Variants in CFAP46 observed in about 807,000 individuals in gnomAD.
CFAP46 encodes cilia- and flagella-associated protein 46.
In CFAP46, 245 loss-of-function variants were observed where a neutral mutation model predicts 325.7. That is an observed-to-expected ratio of 0.75 (90% CI 0.68 to 0.84). The LOEUF (loss-of-function observed/expected upper bound fraction) is 0.84, where lower values mean the gene tolerates loss of function less well. CFAP46 is among the 40% of genes least tolerant of loss of function. The pLI, the probability that CFAP46 is intolerant of heterozygous loss-of-function variation, is 0.00. For missense variants in CFAP46, 3,346 were observed against 3,543.0 expected (o/e 0.94, Z 1.41); for synonymous variants, 1,523 against 1,495.9 (o/e 1.02, Z -0.42).
At chr10:132,825,458 C>T (rs1012980577) in intron 50 of CFAP46, among the ~76,000 whole-genome samples, 19 of 152,290 alleles carry the variant, frequency 1.2e-4, no homozygotes, top group African/African-American at 4.6e-4. Flanking sequence ...GCGATGAACA[C>T]GTGCATGGCC....
chr10:132,919,267 G>C lies in CFAP46; in HGVS notation c.1858+48C>G, dbSNP rs368579185. ...AACCACAACCCTTCCCACACCCAGA[G>C]GGCGGCCGTGGCCAGGCTGGGACAC... On this transcript the variant is annotated intron_variant, in intron 15 of 57. Transcript: ENST00000368586. The surrounding 1 kb of genome is among the most constrained non-coding windows in gnomAD (Gnocchi z 9.7). 1.1e-5 allele frequency: 16 copies of C among 1,521,068 alleles called. No individual in the cohort carries two copies. The African/African-American group carries it at 1.9e-4, about 18-fold the overall frequency. 94.2% of individuals were successfully genotyped at this position (1,521,068 alleles called of 1,614,324 possible).
rs1848077352 is a variant in CFAP46 at position 132,827,480 on chromosome 10, C to T, written c.7117+5878G>A. ...CTTCCGTGACACCGATGCAAATTTG[C>T]TCTTTCTGTATTTCATGTAAAAAAT... is the stretch of plus-strand genomic sequence containing the variant. On this transcript the variant is annotated intron_variant, in intron 50 of 57. Coordinates refer to ENST00000368586, the MANE Select transcript of CFAP46 (RefSeq NM_001200049.3). This position sits in a 1 kb window ranked among gnomAD's most constrained non-coding sequence, Gnocchi z 5.7. Among the ~76,000 whole-genome samples, 2 of 151,940 alleles carry T rather than the reference C, an allele frequency of 1.3e-5. No individual in the cohort carries two copies. Among genetic ancestry groups the T allele is most frequent in the African/African-American group, 4.8e-5 (2 of 41,346 alleles).
At chr10:132,894,067 C>T (rs1042504614) in intron 24 of CFAP46, among the ~76,000 whole-genome samples, 3 of 149,210 alleles carry the variant, frequency 2.0e-5, no homozygotes, top group Non-Finnish European at 3.0e-5. Context: ...CCTGAGGGTT[C>T]GCCGCTGGTA....
chr10:132,912,799 C>A lies in CFAP46; in HGVS notation c.2355G>T (p.Thr785=). The part of the protein sequence containing the change: ...GHSGDPVMLV[T]LCNTLARGLI... Reference sequence around the variant, plus strand: ...GGCCTCGCGCCAAGGTGTTGCAGAGCGTCACCAGCATCACGGGGTCCCTGG... The same window carrying A: ...GGCCTCGCGCCAAGGTGTTGCAGAGAGTCACCAGCATCACGGGGTCCCTGG... The change falls in exon 19 of 58, where the codon ACG becomes ACT. Residue 785 remains threonine, a synonymous_variant. Transcript: ENST00000368586. 6.5e-7 allele frequency: 1 copy of A among 1,549,326 alleles called. No homozygotes were observed. The highest frequency in any genetic ancestry group is 8.7e-7 in the Non-Finnish European group (1 of 1,146,614).
chr10:132,810,352 G>T, intron 57 of CFAP46, 57 bp downstream of exon 57: 1 of 1,461,828 alleles, frequency 6.8e-7, no homozygotes, highest in Non-Finnish European at 9.6e-7. Context: ...CGTGCCCCAT[G>T]GGCAGTGGCT....
At chr10:132,888,436 TACCCCTGCCACCTTC>T (rs1479734828) in intron 25 of CFAP46, among the ~76,000 whole-genome samples, 1 of 11,300 alleles carries the variant, frequency 8.8e-5, no homozygotes, top group African/African-American at 1.2e-3. Context: ...CTGCCGCCTG[TACCCCTGCCACCTTC>T]ACCCCTGCCG....
At chr10:132,915,835 G>T (rs948229288) in intron 17 of CFAP46, among the ~76,000 whole-genome samples, 2 of 152,152 alleles carry the variant, frequency 1.3e-5, no homozygotes, top group Non-Finnish European at 2.9e-5. Context: ...CAGCGTGACG[G>T]ATTCGCTGAT....
intron 3 of CFAP46, 147 bp from the exon 4 acceptor site, chr10:132,941,207 G>A: frequency 1.2e-6 from 1 of 817,350 alleles, no homozygotes; most frequent in Non-Finnish European, 2.0e-6. Context: ...GGCAGACACA[G>A]CCTGAGTGTC....
chr10:132,814,400 G>A (rs570287227), intron 53 of CFAP46, 146 bp from the exon 54 acceptor site: 38 of 1,073,078 alleles, frequency 3.5e-5, no homozygotes, highest in Non-Finnish European at 5.0e-5. Flanking sequence ...GGTAGAACCA[G>A]GCTAGCCAGA....
chr10:132,909,056 G>C, intron 21 of CFAP46, 81 bp downstream of exon 21: 1 of 1,022,520 alleles, frequency 9.8e-7, no homozygotes, highest in Non-Finnish European at 1.5e-6. Context: ...GATGGGGCTC[G>C]AGTTCCAGCC....
At chr10:132,870,667 T>A (rs575442542) in intron 32 of CFAP46, among the ~76,000 whole-genome samples, 5 of 152,254 alleles carry the variant, frequency 3.3e-5, no homozygotes, top group African/African-American at 1.2e-4. Flanking sequence ...TTCAATCCCA[T>A]GAACGCTGGG....
chr10:132,821,269 G>C (rs1223642906), intron 50 of CFAP46, among the ~76,000 whole-genome samples: 6 of 143,554 alleles, frequency 4.2e-5, no homozygotes, highest in Non-Finnish European at 7.5e-5. Flanking sequence ...GCGCTGATGT[G>C]TGCTGTGTGA....
At chr10:132,905,049 C>T (rs1849437702) in intron 22 of CFAP46, among the ~76,000 whole-genome samples, 1 of 152,230 alleles carries the variant, frequency 6.6e-6, no homozygotes. Context: ...AGGACCACAA[C>T]ACCCACGCTT....
At chr10:132,909,830 G>C in intron 20 of CFAP46, 89 bp downstream of exon 20, 14 of 1,236,814 alleles carry the variant, frequency 1.1e-5, no homozygotes, top group Non-Finnish European at 1.5e-5. Context: ...GAGCTAAGTG[G>C]TCCCGGGGGC....
At chr10:132,891,076 G>A (rs1331207513) in intron 25 of CFAP46, among the ~76,000 whole-genome samples, 1 of 152,164 alleles carries the variant, frequency 6.6e-6, no homozygotes, top group Non-Finnish European at 1.5e-5. Context: ...TTTTGCAGGA[G>A]TGTGTGTCCA....
At chr10:132,908,926 G>A (rs949480130) in intron 21 of CFAP46, among the ~76,000 whole-genome samples, 5 of 152,334 alleles carry the variant, frequency 3.3e-5, no homozygotes, top group East Asian at 1.9e-4. Flanking sequence ...CTCAAACAGC[G>A]TTTGCCTCGC....
At position 132,832,963 on chromosome 10, in the gene CFAP46, T is replaced by C. The variant is rs1429128822; in HGVS notation, c.7117+395A>G. On this transcript the variant is annotated intron_variant, in intron 50 of 57. Coordinates refer to ENST00000368586, the MANE Select transcript of CFAP46 (RefSeq NM_001200049.3). The surrounding 1 kb of genome is among the most constrained non-coding windows in gnomAD (Gnocchi z 4.1). The stretch of plus-strand genomic sequence containing the variant: ...GGTATTTTATAAATAGTTTTGAGTG[T>C]TTATATATATACATATATATTTTAT... Among the ~76,000 whole-genome samples the C allele has an allele frequency of 1.3e-5, 2 of 152,162 alleles. No homozygotes were observed. Among genetic ancestry groups the C allele is most frequent in the African/African-American group, 4.8e-5 (2 of 41,442 alleles).
intron 32 of CFAP46, 151 bp downstream of exon 32, chr10:132,872,525 T>C: frequency 1.0e-6 from 1 of 1,002,628 alleles, no homozygotes; most frequent in East Asian, 2.6e-5. Flanking sequence ...AAAAATACCA[T>C]TTTCATATTC....
intron 35 of CFAP46, among the ~76,000 whole-genome samples, chr10:132,861,523 T>A (rs952015733): frequency 5.3e-5 from 8 of 152,196 alleles, no homozygotes; most frequent in Non-Finnish European, 1.2e-4. Flanking sequence ...CAGCCACACC[T>A]GGACACGGAT....
Sources: allele counts gnomAD v4.1 joint callset (sites outside exome capture counted in the v4.1 genomes callset), GRCh38; gene constraint gnomAD v4.1.1; non-coding constraint Gnocchi (gnomAD v3.1); transcripts MANE v1.5; gene names NCBI Gene and HGNC (gene_info 2026-07-23, HGNC 2026-07-21).